SKAP2: variants seen among roughly 807,000 people sequenced by gnomAD.
The protein encoded by SKAP2 is src kinase-associated phosphoprotein 2.
SKAP2 carries 28 observed loss-of-function variants against 54.9 expected under a neutral mutation model. The ratio of observed to expected loss-of-function variants is 0.51; its 90% CI spans 0.38 to 0.70. SKAP2 has a LOEUF of 0.70. SKAP2 is among the 30% of genes least tolerant of loss of function. The pLI is 0.00. For missense variants in SKAP2, 356 were observed against 424.1 expected, an observed-to-expected ratio of 0.84 and a Z score of 1.41; for synonymous variants, 137 against 134.3, an observed-to-expected ratio of 1.02 and a Z score of -0.14.
chr7:26,677,546 A>C (rs1786378864), intron 11 of SKAP2, among the ~76,000 whole-genome samples: 2 of 152,204 alleles, frequency 1.3e-5, no homozygotes, highest in Admixed American at 1.3e-4. Context: ...ATAAGCATTC[A>C]TATTTGTTAA....
At chr7:26,807,995 CA>C (rs1325146601) in intron 4 of SKAP2, among the ~76,000 whole-genome samples, 3 of 152,094 alleles carry the variant, frequency 2.0e-5, no homozygotes, top group Admixed American at 6.6e-5. Flanking sequence ...GCATATAAAT[CA>C]AAAAACTCAT....
chr7:26,833,697 T>C (rs1013702436), intron 4 of SKAP2, among the ~76,000 whole-genome samples: 1 of 152,102 alleles, frequency 6.6e-6, no homozygotes, highest in Non-Finnish European at 1.5e-5. Context: ...ATGCACCCAA[T>C]ACAGGAGCAC....
intron 9 of SKAP2, 71 bp downstream of exon 9, chr7:26,725,351 CACACAA>C: frequency 9.3e-7 from 1 of 1,077,626 alleles, no homozygotes. Flanking sequence ...ACAAATCACA[CACACAA>C]ACACACACAC....
In SKAP2 at chr7:26,854,802, T is replaced by C. The variant is rs1309162169; in HGVS notation, c.156A>G (p.Ile52Met). Residue 52 changes from isoleucine to methionine, a missense_variant, in exon 2 of 13, where the codon ATA becomes ATG. Coordinates refer to ENST00000345317, the MANE Select transcript of SKAP2 (RefSeq NM_003930.5). ...TGACTTACATAGACTTTACATCTTT[T>C]ATCTTCTTAATAAGGGATTCTCTCT... ...KEKRESLIKK[I>M]KDVKSIYLQE... 1.2e-6 allele frequency: 2 copies of C among 1,600,092 alleles called. No individual in the cohort carries two copies. Among genetic ancestry groups the C allele is most frequent in the Middle Eastern group, 3.3e-4 (2 of 5,996 alleles).
chr7:26,859,626 T>C (rs1384064103), intron 1 of SKAP2, among the ~76,000 whole-genome samples: 3 of 152,198 alleles, frequency 2.0e-5, no homozygotes, highest in Non-Finnish European at 4.4e-5. Context: ...AAATGATGTA[T>C]TTTGATAGAA....
intron 5 of SKAP2, 53 bp from the exon 6 acceptor site, chr7:26,738,931 GTTAA>G (rs1331649343): frequency 2.9e-6 from 3 of 1,019,666 alleles, no homozygotes; most frequent in Non-Finnish European, 4.7e-6. Flanking sequence ...AAAAGAAAAA[GTTAA>G]TTAATATGAT....
At chr7:26,828,503 C>A (rs1162115110) in intron 4 of SKAP2, among the ~76,000 whole-genome samples, 1 of 150,856 alleles carries the variant, frequency 6.6e-6, no homozygotes, top group Non-Finnish European at 1.5e-5. Flanking sequence ...CGGTGAAACC[C>A]CGTCTCTACT....
chr7:26,740,666 A>G (rs1274844140), intron 4 of SKAP2, among the ~76,000 whole-genome samples: 1 of 152,184 alleles, frequency 6.6e-6, no homozygotes, highest in African/African-American at 2.4e-5. Context: ...CAAGTGTTCA[A>G]TATTTTTATA....
intron 4 of SKAP2, among the ~76,000 whole-genome samples, chr7:26,839,055 GC>G (rs1784767887): frequency 3.3e-5 from 5 of 151,974 alleles, no homozygotes; most frequent in Admixed American, 2.0e-4. Context: ...CTTAACCTTT[GC>G]AGTCTTTCGT....
downstream of SKAP2, among the ~76,000 whole-genome samples, chr7:26,662,468 T>G (rs1786028508): frequency 6.6e-6 from 1 of 152,040 alleles, no homozygotes; most frequent in Non-Finnish European, 1.5e-5. Context: ...TGTACCAAGG[T>G]AAGGTTATGT....
At chr7:26,796,646 T>C (rs1247087827) in intron 4 of SKAP2, among the ~76,000 whole-genome samples, 2 of 152,238 alleles carry the variant, frequency 1.3e-5, no homozygotes, top group Non-Finnish European at 2.9e-5. Flanking sequence ...AAATAGATGA[T>C]ATCAACTTGT....
In SKAP2 at chr7:26,684,773, G is replaced by C. The variant is rs935424410; in HGVS notation, c.950C>G (p.Ser317Ter). Residue 317 changes from serine (S) to a stop codon, truncating the protein, a stop_gained, in exon 11 of 13, where the codon TCA becomes TGA. Coordinates refer to ENST00000345317, the MANE Select transcript of SKAP2 (RefSeq NM_003930.5). LOFTEE classifies it high-confidence loss of function. ...DCTGAFSDEL[S>*]FKRGDVIYIL... ...GTAAATCACATCACCACGCTTAAAT[G>C]ACAACTCATCAGAAAAAGCTCCAGT... 6.2e-7 allele frequency: 1 copy of C among 1,612,512 alleles called. No homozygotes were observed. The highest frequency in any genetic ancestry group is 8.5e-7 in the Non-Finnish European group (1 of 1,178,836).
At chr7:26,786,526 A>C (rs1473084578) in intron 4 of SKAP2, among the ~76,000 whole-genome samples, 2 of 152,120 alleles carry the variant, frequency 1.3e-5, no homozygotes, top group African/African-American at 4.8e-5. Flanking sequence ...TAAAAGTATC[A>C]GTCAGGTCAA....
chr7:26,851,653 C>G (rs1785046205), intron 3 of SKAP2, among the ~76,000 whole-genome samples: 1 of 149,314 alleles, frequency 6.7e-6, no homozygotes, highest in African/African-American at 2.5e-5. Context: ...CAACATGGCA[C>G]ATGTATACAT....
Position 26,783,801 on chromosome 7 carries a change from G to A in SKAP2, c.308-43837C>T, listed in dbSNP as rs192662212. Among the ~76,000 whole-genome samples the A allele has an allele frequency of 2.9e-3, 442 of 152,166 alleles. 4 individuals are homozygous for A. Among genetic ancestry groups the A allele is most frequent in the African/African-American group, 0.01 (424 of 41,520 alleles). ...ACTCTGGGGCCTGTTGTGAGGTGGG[G>A]GGAGCGGGGAGGGATAGCTTTAGGA... On this transcript the variant is annotated intron_variant, in intron 4 of 12. Coordinates refer to ENST00000345317, the MANE Select transcript of SKAP2 (RefSeq NM_003930.5).
chr7:26,829,972 T>A (rs1412848468), intron 4 of SKAP2, among the ~76,000 whole-genome samples: 1 of 152,020 alleles, frequency 6.6e-6, no homozygotes. Flanking sequence ...TTCATAATAG[T>A]CAAAAAGAGT....
chr7:26,769,439 T>C (rs1346766652), intron 4 of SKAP2, among the ~76,000 whole-genome samples: 1 of 152,216 alleles, frequency 6.6e-6, no homozygotes, highest in African/African-American at 2.4e-5. Context: ...TTACCCACCT[T>C]CTGAAGCCTA....
chr7:26,756,300 T>C (rs1040928143), intron 4 of SKAP2, among the ~76,000 whole-genome samples: 16 of 152,176 alleles, frequency 1.1e-4, no homozygotes, highest in Admixed American at 5.2e-4. Flanking sequence ...TTACATTAGG[T>C]ATATCTCCTA....
At position 26,845,930 on chromosome 7, in the gene SKAP2, T is replaced by C. The variant is rs546308326; in HGVS notation, c.200-1793A>G. Among the ~76,000 whole-genome samples, 3 of 152,060 alleles carry C rather than the reference T, an allele frequency of 2.0e-5. No individual in the cohort carries two copies. In the East Asian group the frequency reaches 5.8e-4, roughly 29 times the overall value. On this transcript the variant is annotated intron_variant, in intron 3 of 12. Transcript: ENST00000345317. ...CTGGGCAACAGACCAAGACCCCATC[T>C]CTAAAAAAAAATTTTTTTAACAAAA...
Sources: gnomAD v4.1 joint callset for allele counts (sites outside exome capture counted in the v4.1 genomes callset) on GRCh38, gnomAD v4.1.1 for gene constraint, MANE v1.5 for transcripts, NCBI Gene and HGNC (gene_info 2026-07-23, HGNC 2026-07-21) for gene names.